CDH4: variants seen among roughly 807,000 people sequenced by gnomAD.
CDH4 encodes the protein cadherin 4, also known as cadherin-4.
CDH4 carries 33 observed loss-of-function variants against 86.0 expected under a neutral mutation model. The observed-to-expected ratio is 0.38, with a 90% CI of 0.29 to 0.51. The LOEUF (loss-of-function observed/expected upper bound fraction) is 0.51, where lower values mean the gene tolerates loss of function less well. Ranked by LOEUF, CDH4 falls within the 20% of genes least tolerant of loss-of-function variation. The pLI is 0.86. For synonymous variants in CDH4, 555 were observed against 549.4 expected (o/e 1.01, Z -0.14); for missense variants, 1,114 against 1,307.4 (o/e 0.85, Z 2.28).
At chr20:61,705,387 A>G (rs1361462345) in intron 2 of CDH4, among the ~76,000 whole-genome samples, 2 of 152,222 alleles carry the variant, frequency 1.3e-5, no homozygotes, top group Non-Finnish European at 2.9e-5. Context: ...CAGAGGGAGC[A>G]CGTTCAGCCC....
At chr20:61,930,841 G>A (rs1040721476) in intron 13 of CDH4, among the ~76,000 whole-genome samples, 1 of 152,254 alleles carries the variant, frequency 6.6e-6, no homozygotes. Context: ...AAAGGTGGAG[G>A]CATTCTCACC....
At chr20:61,429,294 A>G (rs1256003763) in intron 2 of CDH4, among the ~76,000 whole-genome samples, 1 of 152,204 alleles carries the variant, frequency 6.6e-6, no homozygotes, top group Non-Finnish European at 1.5e-5. Context: ...AAATCCATGC[A>G]GCTGGTGAAA....
intron 2 of CDH4, among the ~76,000 whole-genome samples, chr20:61,543,460 A>G (rs988182669): frequency 1.3e-5 from 2 of 152,238 alleles, no homozygotes; most frequent in Admixed American, 1.3e-4. Context: ...TGGTTGAGTG[A>G]TAAAAATGTC....
chr20:61,845,105 C>T lies in CDH4; in HGVS notation c.732+282C>T, dbSNP rs1426725203. ...GCCTGGGCCCACACTGGGAGAACTA[C>T]TGGTCCAGAAGGCCTCCATCCACGT... On this transcript the variant is annotated intron_variant, in intron 5 of 15. Coordinates refer to ENST00000614565, the MANE Select transcript of CDH4 (RefSeq NM_001794.5). Among the ~76,000 whole-genome samples, 4 of 152,296 alleles carry T rather than the reference C, an allele frequency of 2.6e-5. No individual in the cohort carries two copies. The East Asian group carries it at 5.8e-4, about 22-fold the overall frequency.
At chr20:61,546,152 T>TGGTG in intron 2 of CDH4, among the ~76,000 whole-genome samples, 1 of 60,380 alleles carries the variant, frequency 1.7e-5, no homozygotes, top group Admixed American at 1.9e-4. Flanking sequence ...TTGTTCACAT[T>TGGTG]CGTGAGGGTG....
intron 2 of CDH4, chr20:61,740,470 C>A (rs2088319590): frequency 6.6e-6 from 1 of 152,194 alleles, no homozygotes; most frequent in South Asian, 2.1e-4. Context: ...AGAAGACTTG[C>A]CTTATTGCTC....
rs377679413 is a variant in CDH4, at chr20:61,924,480, C to T, written c.1771+4C>T. ...ACCTTCCTGGCAGCTGACAATGGTG[C>T]GGCCCACCCCAGGGAGGCAGCCGTC... On this transcript the variant is annotated splice_donor_region_variant and intron_variant, in intron 11 of 15. Transcript: ENST00000614565. The T allele has an allele frequency of 1.2e-6, 2 of 1,611,564 alleles. No individual in the cohort carries two copies. Among genetic ancestry groups the T allele is most frequent in the Non-Finnish European group, 1.7e-6 (2 of 1,178,982 alleles).
At chr20:61,858,519 GTGTC>G (rs1462516147) in intron 6 of CDH4, among the ~76,000 whole-genome samples, 13 of 152,182 alleles carry the variant, frequency 8.5e-5, no homozygotes, top group Middle Eastern at 3.4e-3. Context: ...CTGTGTATCT[GTGTC>G]TGTGTGTCTG....
chr20:61,852,808 C>A lies in CDH4; in HGVS notation c.787C>A (p.Leu263Met). The A allele has an allele frequency of 6.2e-7, 1 of 1,614,106 alleles. No homozygotes were observed. The highest frequency in any genetic ancestry group is 8.5e-7 in the Non-Finnish European group (1 of 1,179,980). ...CAACAAGGTGGAGAACCCCATCGAC[C>A]TGTACATCTACGTCATCGACATGAA... ...NGNKVENPID[L>M]YIYVIDMNDN... Residue 263 changes from leucine to methionine, a missense_variant, in exon 6 of 16, where the codon CTG becomes ATG. Leu to Met is a conservative substitution (Grantham distance 15). Transcript: ENST00000614565.
intron 2 of CDH4, among the ~76,000 whole-genome samples, chr20:61,665,055 C>T (rs1279523223): frequency 1.3e-5 from 2 of 152,252 alleles, no homozygotes; most frequent in East Asian, 1.9e-4. Context: ...GATGTCACCA[C>T]GTGGGGACGT....
intron 6 of CDH4, among the ~76,000 whole-genome samples, chr20:61,869,103 T>C (rs896324625): frequency 6.6e-6 from 1 of 152,250 alleles, no homozygotes; most frequent in African/African-American, 2.4e-5. Context: ...ATGATTTTGA[T>C]GGTAAAACAT....
intron 5 of CDH4, among the ~76,000 whole-genome samples, chr20:61,851,293 G>C (rs1276434866): frequency 6.6e-6 from 1 of 152,208 alleles, no homozygotes; most frequent in African/African-American, 2.4e-5. Flanking sequence ...CCAGCCTCTA[G>C]ATCTTCCGTA....
chr20:61,540,411 T>C (rs900407631), intron 2 of CDH4, among the ~76,000 whole-genome samples: 7 of 152,244 alleles, frequency 4.6e-5, no homozygotes, highest in African/African-American at 1.4e-4. Context: ...CCTCACATGA[T>C]AGGAGGGAAG....
chr20:61,873,619 C>T (rs3829689), intron 6 of CDH4, 109 bp from the exon 7 acceptor site: 413,372 of 1,199,150 alleles, frequency 0.34, 76,017 homozygotes, highest in Non-Finnish European at 0.38. Context: ...GGTTCCGCTA[C>T]GCCAGACTCA....
chr20:61,525,467 G>T (rs2085903070), intron 2 of CDH4, among the ~76,000 whole-genome samples: 1 of 152,172 alleles, frequency 6.6e-6, no homozygotes, highest in Non-Finnish European at 1.5e-5. Context: ...CATGCGGTGA[G>T]CAGGGTCTGT....
At chr20:61,534,484 G>A (rs1397286687) in intron 2 of CDH4, among the ~76,000 whole-genome samples, 1 of 152,088 alleles carries the variant, frequency 6.6e-6, no homozygotes, top group Non-Finnish European at 1.5e-5. Context: ...GCTCACCGCC[G>A]TGATCGGAGG....
intron 4 of CDH4, among the ~76,000 whole-genome samples, chr20:61,815,169 TG>T (rs1980648726): frequency 6.6e-6 from 1 of 151,758 alleles, no homozygotes; most frequent in East Asian, 1.9e-4. Context: ...CTGGGGGAGG[TG>T]GGGCAGAAAA....
At chr20:61,786,086 C>T (rs911578112) in intron 4 of CDH4, among the ~76,000 whole-genome samples, 5 of 152,320 alleles carry the variant, frequency 3.3e-5, no homozygotes, top group South Asian at 4.1e-4. Context: ...TCTAAGAACA[C>T]GTGAACGAGA....
chr20:61,863,589 G>A (rs1304640233), intron 6 of CDH4, among the ~76,000 whole-genome samples: 1 of 152,020 alleles, frequency 6.6e-6, no homozygotes, highest in Non-Finnish European at 1.5e-5. Context: ...TGCAGGGCTC[G>A]CACTTGAGCA....
Sources: allele counts gnomAD v4.1 joint callset (sites outside exome capture counted in the v4.1 genomes callset), GRCh38; gene constraint gnomAD v4.1.1; transcripts MANE v1.5; gene names NCBI Gene and HGNC (gene_info 2026-07-23, HGNC 2026-07-21).